The following SATB2 variants were observed in gnomAD, a reference collection of about 807,000 sequenced individuals.
SATB2 encodes the protein SATB homeobox 2.
A neutral mutation model predicts 73.4 loss-of-function variants in SATB2; 1 was observed. The ratio of observed to expected loss-of-function variants is 0.01; its 90% confidence interval spans 0.00 to 0.06. The LOEUF is 0.06. SATB2 is among the 10% of genes least tolerant of loss of function. The pLI, the probability that SATB2 is intolerant of heterozygous loss-of-function variation, is 1.00. For synonymous variants in SATB2, 397 were observed against 367.0 expected (o/e 1.08, Z -0.93); for missense variants, 459 against 945.8 (o/e 0.49, Z 6.75).
At chr2:199,329,939 T>C (rs1296416972) in intron 7 of SATB2, among the ~76,000 whole-genome samples, 3 of 152,128 alleles carry the variant, frequency 2.0e-5, no homozygotes, top group African/African-American at 7.2e-5. Flanking sequence ...ATATTGCTTC[T>C]CAGAGCAGTA....
At chr2:199,351,129 A>G (rs1688805896) in intron 6 of SATB2, among the ~76,000 whole-genome samples, 1 of 149,900 alleles carries the variant, frequency 6.7e-6, no homozygotes, top group Admixed American at 6.6e-5. Context: ...TTAGGGCTCA[A>G]TTTCTAACTT....
At position 199,456,188 on chromosome 2, in the gene SATB2, G is replaced by A. The variant is rs1486010631; in HGVS notation, c.-59-92C>T. The A allele has an allele frequency of 1.5e-5, 12 of 781,260 alleles. No homozygotes were observed. In the East Asian group the frequency reaches 2.1e-4, roughly 14 times the overall value. The allele number at this position is 781,260 out of a possible 1,614,324, so 48.4% of individuals were successfully genotyped here. On this transcript the variant is annotated intron_variant, in intron 1 of 10. Transcript: ENST00000417098. The stretch of plus-strand genomic sequence containing the variant: ...TAGACGTTCAGGCCAGTGGCAGAGC[G>A]CTGCACCACAGCCACACAAACTTCC...
At chr2:199,283,194 C>G (rs1479622998) in intron 10 of SATB2, among the ~76,000 whole-genome samples, 1 of 151,554 alleles carries the variant, frequency 6.6e-6, no homozygotes, top group Non-Finnish European at 1.5e-5. Flanking sequence ...CGCCATTCTC[C>G]TGCCTCAGCC....
intron 3 of SATB2, among the ~76,000 whole-genome samples, chr2:199,429,652 G>A (rs1432635728): frequency 6.6e-6 from 1 of 152,234 alleles, no homozygotes; most frequent in Non-Finnish European, 1.5e-5. Context: ...GCTCACGCCT[G>A]TAATCCCAAC....
At chr2:199,379,926 C>G (rs1429733644) in intron 5 of SATB2, among the ~76,000 whole-genome samples, 17 of 151,778 alleles carry the variant, frequency 1.1e-4, no homozygotes. Context: ...CTCTGTCACC[C>G]AGGCTAGAGT....
intron 7 of SATB2, among the ~76,000 whole-genome samples, chr2:199,336,244 G>A (rs1574518398): frequency 6.6e-6 from 1 of 152,106 alleles, no homozygotes; most frequent in Non-Finnish European, 1.5e-5. Flanking sequence ...AACTGAACAG[G>A]TTCCCTTTGG....
chr2:199,352,066 T>G (rs2105827683), intron 6 of SATB2, among the ~76,000 whole-genome samples: 1 of 152,110 alleles, frequency 6.6e-6, no homozygotes, highest in South Asian at 2.1e-4. Context: ...AGAGACGGGG[T>G]TTCACCCATC....
At chr2:199,397,905 G>A (rs1385679489) in intron 3 of SATB2, 1 of 282,592 alleles carries the variant, frequency 3.5e-6, no homozygotes, top group East Asian at 1.5e-4. Context: ...ATATTTGAAA[G>A]ACAGTAGTTT....
chr2:199,442,742 T>A (rs1000274243), intron 2 of SATB2, among the ~76,000 whole-genome samples: 2 of 151,848 alleles, frequency 1.3e-5, no homozygotes, highest in Non-Finnish European at 2.9e-5. Flanking sequence ...GCCAGATCCA[T>A]CTCTAAAATA....
intron 10 of SATB2, among the ~76,000 whole-genome samples, chr2:199,301,870 A>C (rs1261078980): frequency 1.3e-5 from 2 of 152,142 alleles, no homozygotes; most frequent in African/African-American, 4.8e-5. Flanking sequence ...AGTTGACATG[A>C]GAAAGAGGTA....
chr2:199,427,700 A>AAT (rs1691378046), intron 3 of SATB2, among the ~76,000 whole-genome samples: 2 of 152,126 alleles, frequency 1.3e-5, no homozygotes, highest in African/African-American at 4.8e-5. Flanking sequence ...ATGAATATTT[A>AAT]ATACACAAGT....
At chr2:199,393,903 C>T (rs964403060) in intron 3 of SATB2, among the ~76,000 whole-genome samples, 1 of 152,098 alleles carries the variant, frequency 6.6e-6, no homozygotes. Context: ...AAAAATATGG[C>T]TCAATCAGGT....
chr2:199,442,341 G>T (rs921871346), intron 2 of SATB2, among the ~76,000 whole-genome samples: 1 of 152,148 alleles, frequency 6.6e-6, no homozygotes, highest in Non-Finnish European at 1.5e-5. Flanking sequence ...AGATCACAGC[G>T]CTGTGCGTGA....
intron 10 of SATB2, among the ~76,000 whole-genome samples, chr2:199,290,284 C>G (rs765167335): frequency 6.6e-6 from 1 of 152,226 alleles, no homozygotes; most frequent in Non-Finnish European, 1.5e-5. Flanking sequence ...CTTACTTATA[C>G]GCTGTATTAT....
chr2:199,409,381 G>A (rs1690741116), intron 3 of SATB2, among the ~76,000 whole-genome samples: 1 of 151,950 alleles, frequency 6.6e-6, no homozygotes, highest in Admixed American at 6.6e-5. Flanking sequence ...TGTCGGTCAG[G>A]CTGGTCCCGA....
At chr2:199,319,345 G>A (rs954542225) in intron 9 of SATB2, among the ~76,000 whole-genome samples, 1 of 152,076 alleles carries the variant, frequency 6.6e-6, no homozygotes, top group Non-Finnish European at 1.5e-5. Flanking sequence ...GTAAAGATGA[G>A]GACATCTTAC....
chr2:199,332,204 C>T (rs1688208811), intron 7 of SATB2, among the ~76,000 whole-genome samples: 1 of 152,082 alleles, frequency 6.6e-6, no homozygotes, highest in African/African-American at 2.4e-5. Context: ...TTTTCCTCCT[C>T]GTAGGCAACA....
chr2:199,458,466 G>A, upstream of SATB2: 1 of 394,094 alleles, frequency 2.5e-6, no homozygotes, highest in Non-Finnish European at 5.0e-6. Context: ...GGCGCGAGGC[G>A]GTGGCCGCGG....
At chr2:199,307,478 T>C (rs1215324282) in intron 10 of SATB2, among the ~76,000 whole-genome samples, 3 of 152,160 alleles carry the variant, frequency 2.0e-5, no homozygotes, top group Admixed American at 6.5e-5. Context: ...GGATGGGTCC[T>C]GAAGGGTGAG....
Sources: allele counts gnomAD v4.1 joint callset (sites outside exome capture counted in the v4.1 genomes callset), GRCh38; gene constraint gnomAD v4.1.1; transcripts MANE v1.5; gene names NCBI Gene and HGNC (gene_info 2026-07-23, HGNC 2026-07-21).